Variants in KCNH7 observed in about 807,000 individuals in gnomAD.
The protein encoded by KCNH7 is potassium voltage-gated channel subfamily H member 7.
Under a neutral mutation model 120.8 loss-of-function variants are expected in KCNH7, and 49 were observed. That is an observed-to-expected ratio of 0.41 (90% confidence interval 0.32 to 0.51). KCNH7 has a LOEUF of 0.51. Ranked by LOEUF, KCNH7 falls within the 20% of genes least tolerant of loss-of-function variation. The probability of loss-of-function intolerance (pLI) is 0.38; values close to 1 mark genes in which losing one functional copy is unlikely to be tolerated. For missense variants in KCNH7, 1,097 were observed against 1,446.6 expected, an observed-to-expected ratio of 0.76 and a Z score of 3.92; for synonymous variants, 547 against 516.1, an observed-to-expected ratio of 1.06 and a Z score of -0.81.
intron 2 of KCNH7, among the ~76,000 whole-genome samples, chr2:162,778,854 A>G (rs777728048): frequency 5.3e-5 from 8 of 152,148 alleles, no homozygotes; most frequent in Non-Finnish European, 1.0e-4. Context: ...GTGTCTACTT[A>G]CAGTAAATTT....
chr2:162,427,641 C>T (rs988843209), intron 8 of KCNH7, among the ~76,000 whole-genome samples: 27 of 151,678 alleles, frequency 1.8e-4, no homozygotes, highest in Admixed American at 1.7e-3. Flanking sequence ...TTCCAGTCTA[C>T]CATTTGTCCA....
chr2:162,458,987 A>G (rs1009211880), intron 6 of KCNH7, among the ~76,000 whole-genome samples: 4 of 143,292 alleles, frequency 2.8e-5, no homozygotes, highest in Admixed American at 2.2e-4. Flanking sequence ...AGTCTGGGCA[A>G]CAAGTGAGAT....
chr2:162,666,537 A>C (rs532634205), intron 2 of KCNH7, among the ~76,000 whole-genome samples: 34 of 152,194 alleles, frequency 2.2e-4, no homozygotes, highest in African/African-American at 8.2e-4. Flanking sequence ...GCTATGTTCA[A>C]ATAAAACCTA....
intron 2 of KCNH7, among the ~76,000 whole-genome samples, chr2:162,573,798 A>G (rs569498387): frequency 6.6e-6 from 1 of 152,174 alleles, no homozygotes; most frequent in East Asian, 1.9e-4. Flanking sequence ...ATATTATTAT[A>G]CATTCAACTG....
chr2:162,596,963 C>T (rs573255610), intron 2 of KCNH7, among the ~76,000 whole-genome samples: 7 of 152,140 alleles, frequency 4.6e-5, no homozygotes, highest in South Asian at 4.1e-4. Context: ...ATGCTTAACA[C>T]TACTATCAGG....
At chr2:162,390,046 G>T (rs1247881019) in intron 12 of KCNH7, among the ~76,000 whole-genome samples, 5 of 151,964 alleles carry the variant, frequency 3.3e-5, no homozygotes, top group Admixed American at 2.6e-4. Context: ...ATGGGTGATT[G>T]TTTGTGCCTG....
chr2:162,716,769 C>A (rs1687138135), intron 2 of KCNH7, among the ~76,000 whole-genome samples: 1 of 151,862 alleles, frequency 6.6e-6, no homozygotes, highest in Admixed American at 6.6e-5. Flanking sequence ...CAAACTGTGG[C>A]CATAAAATAT....
At chr2:162,633,587 T>C (rs1440014192) in intron 2 of KCNH7, among the ~76,000 whole-genome samples, 1 of 152,008 alleles carries the variant, frequency 6.6e-6, no homozygotes, top group African/African-American at 2.4e-5. Context: ...TCATTTTATA[T>C]AAACCCTTAA....
intron 2 of KCNH7, among the ~76,000 whole-genome samples, chr2:162,574,495 T>G (rs1485674555): frequency 6.6e-6 from 1 of 152,126 alleles, no homozygotes; most frequent in East Asian, 1.9e-4. Flanking sequence ...TTAATACAGT[T>G]GCATAAGTGC....
intron 2 of KCNH7, among the ~76,000 whole-genome samples, chr2:162,549,509 A>G (rs1353315545): frequency 6.6e-6 from 1 of 152,194 alleles, no homozygotes; most frequent in Non-Finnish European, 1.5e-5. Context: ...AAAGTCCTAT[A>G]TCAGAAAAGT....
At chr2:162,606,581 C>G (rs1429506857) in intron 2 of KCNH7, among the ~76,000 whole-genome samples, 2 of 152,068 alleles carry the variant, frequency 1.3e-5, no homozygotes, top group Non-Finnish European at 1.5e-5. Flanking sequence ...AGAAGCAATA[C>G]AAATGGCTTA....
chr2:162,750,567 G>T (rs891153125), intron 2 of KCNH7, among the ~76,000 whole-genome samples: 1 of 151,946 alleles, frequency 6.6e-6, no homozygotes, highest in Non-Finnish European at 1.5e-5. Flanking sequence ...CCAAGTTAAG[G>T]TTATATTTAA....
intron 2 of KCNH7, among the ~76,000 whole-genome samples, chr2:162,654,734 T>C (rs1684683812): frequency 6.6e-6 from 1 of 152,110 alleles, no homozygotes; most frequent in Admixed American, 6.5e-5. Context: ...AGCCAAGATA[T>C]GGAATCAACA....
chr2:162,490,687 C>A (rs990957818), intron 6 of KCNH7, among the ~76,000 whole-genome samples: 3 of 152,166 alleles, frequency 2.0e-5, no homozygotes, highest in African/African-American at 7.2e-5. Context: ...CTAGATAGGA[C>A]CCCAACAACA....
At chr2:162,600,857 G>A (rs1238596567) in intron 2 of KCNH7, among the ~76,000 whole-genome samples, 1 of 152,140 alleles carries the variant, frequency 6.6e-6, no homozygotes, top group East Asian at 1.9e-4. Context: ...CCAGTTGATT[G>A]GAAGTGGATG....
chr2:162,459,258 T>C (rs1008762335), intron 6 of KCNH7, among the ~76,000 whole-genome samples: 5 of 151,986 alleles, frequency 3.3e-5, no homozygotes, highest in Non-Finnish European at 5.9e-5. Flanking sequence ...TATATACATG[T>C]AATGTATATA....
At chr2:162,579,719 C>T (rs945567930) in intron 2 of KCNH7, among the ~76,000 whole-genome samples, 1 of 152,002 alleles carries the variant, frequency 6.6e-6, no homozygotes, top group Admixed American at 6.6e-5. Context: ...CGAAAGTCTA[C>T]ATTTCTTATA....
chr2:162,588,547 TCTTTA>T (rs1694098494), intron 2 of KCNH7, among the ~76,000 whole-genome samples: 1 of 152,098 alleles, frequency 6.6e-6, no homozygotes, highest in African/African-American at 2.4e-5. Flanking sequence ...CTTAATTCAG[TCTTTA>T]CTTGTTATAT....
intron 2 of KCNH7, among the ~76,000 whole-genome samples, chr2:162,577,964 A>T (rs1159508270): frequency 6.6e-6 from 1 of 151,986 alleles, no homozygotes; most frequent in Non-Finnish European, 1.5e-5. Context: ...GCCTAAGGAG[A>T]TTAAGTTACC....
Sources: gnomAD v4.1 joint callset for allele counts (sites outside exome capture counted in the v4.1 genomes callset) on GRCh38, gnomAD v4.1.1 for gene constraint, MANE v1.5 for transcripts, NCBI Gene and HGNC (gene_info 2026-07-23, HGNC 2026-07-21) for gene names.